AEBP2: variants seen among roughly 807,000 people sequenced by gnomAD.
AEBP2 encodes AE binding protein 2.
Under a neutral mutation model 50.8 loss-of-function variants are expected in AEBP2, and 10 were observed. That is an observed-to-expected ratio of 0.20 (90% CI 0.12 to 0.33). The LOEUF is 0.33. Among genes scored for constraint, AEBP2 ranks in the 10% least tolerant of loss-of-function variants. AEBP2 has a pLI of 1.00. For synonymous variants in AEBP2, 296 were observed against 261.3 expected (o/e 1.13, Z -1.28); for missense variants, 570 against 688.0 (o/e 0.83, Z 1.92).
At chr12:19,451,816 C>G (rs1325533387) in intron 1 of AEBP2, among the ~76,000 whole-genome samples, 1 of 152,172 alleles carries the variant, frequency 6.6e-6, no homozygotes, top group African/African-American at 2.4e-5. Context: ...ATCCTACCAC[C>G]TTAGCCTCCT....
intron 3 of AEBP2, among the ~76,000 whole-genome samples, chr12:19,484,749 AT>A (rs933867315): frequency 6.6e-6 from 1 of 151,714 alleles, no homozygotes; most frequent in Non-Finnish European, 1.5e-5. Flanking sequence ...AACCGTTCAG[AT>A]TTTTTTTCTT....
At chr12:19,506,315 G>A (rs1949155634) in intron 5 of AEBP2, among the ~76,000 whole-genome samples, 1 of 151,834 alleles carries the variant, frequency 6.6e-6, no homozygotes, top group Non-Finnish European at 1.5e-5. Context: ...GGCCAGGCTG[G>A]TCTCGAACTC....
intron 5 of AEBP2, 33 bp downstream of exon 5, chr12:19,500,254 T>C (rs753264530): frequency 1.4e-6 from 2 of 1,400,640 alleles, no homozygotes; most frequent in Non-Finnish European, 1.9e-6. Context: ...AAATTAAATA[T>C]AAAACTTTGC....
At chr12:19,497,328 GTTTTTTTTTTTTTTT>G (rs34011915) in intron 4 of AEBP2, among the ~76,000 whole-genome samples, 2 of 78,710 alleles carry the variant, frequency 2.5e-5, no homozygotes, top group Non-Finnish European at 4.4e-5. Context: ...TTCCAAAGGT[GTTTTTTTTTTTTTTT>G]TTTTTTTTTG....
chr12:19,411,403 G>A (rs2095739152), intron 1 of AEBP2, among the ~76,000 whole-genome samples: 1 of 152,200 alleles, frequency 6.6e-6, no homozygotes, highest in Non-Finnish European at 1.5e-5. Flanking sequence ...GGGAGACCCA[G>A]CCTTGCCAGA....
In AEBP2 at chr12:19,440,522, C is replaced by T. The variant is rs111671244; in HGVS notation, c.671+152C>T. On this transcript the variant is annotated intron_variant, in intron 1 of 7. Coordinates refer to ENST00000266508, the MANE Select transcript of AEBP2 (RefSeq NM_153207.5). ...TCTCAACTCGGAAATCTCTCGCCGT[C>T]GCCGCCGCGCCCCTCTCGCAGCGCA... 21 of 1,383,612 alleles carry T rather than the reference C, an allele frequency of 1.5e-5. No homozygotes were observed. In the South Asian group the frequency reaches 2.9e-4, roughly 19 times the overall value. The allele number at this position is 1,383,612 out of a possible 1,614,324, so 85.7% of individuals were successfully genotyped here.
chr12:19,505,337 T>C (rs1240525461), intron 5 of AEBP2, among the ~76,000 whole-genome samples: 1 of 152,226 alleles, frequency 6.6e-6, no homozygotes, highest in African/African-American at 2.4e-5. Context: ...GTTTTAAATA[T>C]TAAGGTGATC....
chr12:19,407,202 G>T (rs2095736768), intron 1 of AEBP2, among the ~76,000 whole-genome samples: 1 of 152,180 alleles, frequency 6.6e-6, no homozygotes, highest in African/African-American at 2.4e-5. Context: ...GGAGGCTAAG[G>T]TGGGAAGATT....
intron 1 of AEBP2, among the ~76,000 whole-genome samples, chr12:19,427,702 T>A (rs1002869883): frequency 3.3e-5 from 5 of 152,150 alleles, no homozygotes; most frequent in African/African-American, 1.2e-4. Flanking sequence ...TTTTATTATT[T>A]TTTTTAGAAC....
intron 3 of AEBP2, among the ~76,000 whole-genome samples, chr12:19,489,171 G>A (rs1386005470): frequency 6.6e-6 from 1 of 152,176 alleles, no homozygotes; most frequent in Non-Finnish European, 1.5e-5. Flanking sequence ...TTTTCACACT[G>A]CTATAAAGAT....
intron 3 of AEBP2, among the ~76,000 whole-genome samples, chr12:19,485,396 T>C (rs1948791731): frequency 6.6e-6 from 1 of 151,920 alleles, no homozygotes; most frequent in South Asian, 2.1e-4. Context: ...CTGGGCAATA[T>C]GGAAACGAGG....
upstream of AEBP2, among the ~76,000 whole-genome samples, chr12:19,437,863 C>G (rs1019807861): frequency 6.6e-6 from 1 of 152,180 alleles, no homozygotes; most frequent in African/African-American, 2.4e-5. Context: ...GGATGTAATA[C>G]TGGGTACTCA....
intron 1 of AEBP2, chr12:19,456,589 G>T: frequency 6.5e-7 from 1 of 1,538,294 alleles, no homozygotes; most frequent in South Asian, 1.1e-5. Context: ...TGGCCTGGAA[G>T]GTTCAGGATA....
At chr12:19,457,406 C>T in intron 1 of AEBP2, 8 of 1,476,496 alleles carry the variant, frequency 5.4e-6, no homozygotes, top group Non-Finnish European at 7.4e-6. Context: ...ACTTGCTGTT[C>T]TCAAATTTCC....
At chr12:19,481,138 T>C (rs929563618) in intron 3 of AEBP2, among the ~76,000 whole-genome samples, 12 of 133,954 alleles carry the variant, frequency 9.0e-5, no homozygotes, top group Admixed American at 8.3e-4. Context: ...TCTCACTCTG[T>C]TGCCCAGGCT....
rs540791114 is a variant in AEBP2, at chr12:19,410,372, A to G, written c.-17+6156A>G. On this transcript the variant is annotated intron_variant, in intron 1 of 3. Transcript: ENST00000538425. ...GAGTAAACACACCTCCTGCCACTTCATTACATCAGAGGTTTGTCTCTCCCA... is the reference window on the plus strand; with the variant it reads ...GAGTAAACACACCTCCTGCCACTTCGTTACATCAGAGGTTTGTCTCTCCCA... Among the ~76,000 whole-genome samples the G allele has an allele frequency of 2.7e-4, 41 of 152,242 alleles. No individual in the cohort carries two copies. In the South Asian group the frequency reaches 7.9e-3, roughly 29 times the overall value.
At chr12:19,448,023 A>G (rs1948103423) in intron 1 of AEBP2, among the ~76,000 whole-genome samples, 1 of 152,184 alleles carries the variant, frequency 6.6e-6, no homozygotes, top group Non-Finnish European at 1.5e-5. Context: ...AGGATATCTT[A>G]GGTAGGTTCT....
intron 1 of AEBP2, among the ~76,000 whole-genome samples, chr12:19,434,137 G>A (rs193174010): frequency 6.6e-6 from 1 of 151,214 alleles, no homozygotes; most frequent in Non-Finnish European, 1.5e-5. Flanking sequence ...GAGCCACTGC[G>A]CCCAGCCAAC....
At chr12:19,444,320 A>C (rs569737064) in intron 1 of AEBP2, among the ~76,000 whole-genome samples, 1 of 152,320 alleles carries the variant, frequency 6.6e-6, no homozygotes, top group Non-Finnish European at 1.5e-5. Context: ...TAATGCCGAG[A>C]AAATAGAAGA....
Sources: gnomAD v4.1 joint callset for allele counts (sites outside exome capture counted in the v4.1 genomes callset) on GRCh38, gnomAD v4.1.1 for gene constraint, MANE v1.5 for transcripts, NCBI Gene and HGNC (gene_info 2026-07-23, HGNC 2026-07-21) for gene names.